The following SLC9A7 variants were observed in gnomAD, a reference collection of about 807,000 sequenced individuals.
SLC9A7 encodes sodium/hydrogen exchanger 7.
In SLC9A7, 19 loss-of-function variants were observed where a neutral mutation model predicts 52.6. The observed-to-expected ratio is 0.36, with a 90% CI of 0.25 to 0.53. The LOEUF (loss-of-function observed/expected upper bound fraction) is 0.53, where lower values mean the gene tolerates loss of function less well. Among genes scored for constraint, SLC9A7 ranks in the 20% least tolerant of loss-of-function variants. The pLI is 0.91. For missense variants in SLC9A7, 455 were observed against 597.9 expected (o/e 0.76, Z 2.49); for synonymous variants, 226 against 252.1 (o/e 0.90, Z 0.98).
At chrX:46,669,821 A>G (rs1943989692) in intron 4 of SLC9A7, 102 bp from the exon 5 acceptor site, 2 of 382,305 alleles carry the variant, frequency 5.2e-6, no homozygotes, top group Non-Finnish European at 4.5e-6. Context: ...AGATTTATGA[A>G]AACAACAGGC....
intron 1 of SLC9A7, among the ~76,000 whole-genome samples, chrX:46,702,035 G>T (rs1311858307): frequency 9.0e-6 from 1 of 111,157 alleles, no homozygotes. Flanking sequence ...ACAGATATAT[G>T]TTGTTTAACT....
intron 1 of SLC9A7, among the ~76,000 whole-genome samples, chrX:46,705,586 A>C (rs1271845801): frequency 1.8e-5 from 2 of 111,732 alleles, no homozygotes; most frequent in Non-Finnish European, 3.8e-5. Context: ...CATCTATACA[A>C]AAAATTTAAA....
Position 46,651,175 on chromosome X carries a change from T to C in SLC9A7, c.1285A>G (p.Met429Val). Reference sequence around the variant, plus strand: ...TGGAAGGTAAACAGTGCCAGGCCCATGTAGGAGAAGATGAAGTTCTCTGCC... The same window carrying C: ...TGGAAGGTAAACAGTGCCAGGCCCACGTAGGAGAAGATGAAGTTCTCTGCC... ...FLAENFIFSY[M>V]GLALFTFQKH... The change falls in exon 10 of 17, where the codon ATG becomes GTG. Residue 429 changes from methionine to valine, a missense_variant. Physicochemically the swap from Met to Val is conservative, Grantham distance 21 (BLOSUM62 1). Coordinates refer to ENST00000616978, the MANE Select transcript of SLC9A7 (RefSeq NM_001257291.2). The C allele has an allele frequency of 4.1e-6, 5 of 1,209,787 alleles. No individual in the cohort carries two copies. The highest frequency in any genetic ancestry group is 5.6e-6 in the Non-Finnish European group (5 of 894,396).
chrX:46,740,842 A>G (rs780552702), intron 1 of SLC9A7, among the ~76,000 whole-genome samples: 23 of 110,023 alleles, frequency 2.1e-4, no homozygotes, highest in Non-Finnish European at 3.4e-4. Flanking sequence ...TCCAGATTGC[A>G]AAGAAGGAAA....
rs1167442885 is a variant in SLC9A7, at chrX:46,606,966, C to G, written c.2167G>C (p.Glu723Gln). 1.7e-6 allele frequency: 2 copies of G among 1,209,492 alleles called. No individual in the cohort carries two copies. The highest frequency in any genetic ancestry group is 3.5e-5 in the African/African-American group (2 of 56,968). ...SRGTRLVFPL[E>Q]DNA is the part of the protein sequence containing the mutation. ...TGGGGGGAAAGTCAAGCATTATCTT[C>G]CAGGGGAAACACTAGGCGGGTGCCC... Residue 723 changes from glutamate (E) to glutamine (Q), a missense_variant, in exon 17 of 17, where the codon GAA (glutamate) becomes CAA (glutamine). Transcript: ENST00000616978.
intron 15 of SLC9A7, among the ~76,000 whole-genome samples, chrX:46,616,644 T>C (rs1328371981): frequency 8.9e-6 from 1 of 111,957 alleles, no homozygotes; most frequent in Non-Finnish European, 1.9e-5. Context: ...TTACAGGGTC[T>C]GCATGGTGCT....
intron 1 of SLC9A7, chrX:46,725,306 AC>A: frequency 8.7e-7 from 1 of 1,145,621 alleles, no homozygotes; most frequent in Non-Finnish European, 1.2e-6. Context: ...GAAGCTCATC[AC>A]CCAGTGCATC....
chrX:46,686,695 C>G (rs1487169012), intron 1 of SLC9A7, among the ~76,000 whole-genome samples: 1 of 111,482 alleles, frequency 9.0e-6, no homozygotes, highest in Non-Finnish European at 1.9e-5. Flanking sequence ...ACCAGATTAA[C>G]AGCCTAGTGT....
At chrX:46,712,152 A>G (rs1383051767) in intron 1 of SLC9A7, among the ~76,000 whole-genome samples, 6 of 111,720 alleles carry the variant, frequency 5.4e-5, no homozygotes, top group Non-Finnish European at 1.1e-4. Context: ...TTTTAACTCC[A>G]TATTATGTTT....
intron 2 of SLC9A7, among the ~76,000 whole-genome samples, chrX:46,680,617 T>C: frequency 8.9e-6 from 1 of 111,774 alleles, no homozygotes; most frequent in Non-Finnish European, 1.9e-5. Flanking sequence ...TCTTGTAGGT[T>C]TGATACAGGG....
At chrX:46,666,456 G>A (rs1943923244) in intron 5 of SLC9A7, among the ~76,000 whole-genome samples, 2 of 112,120 alleles carry the variant, frequency 1.8e-5, no homozygotes, top group South Asian at 7.4e-4. Flanking sequence ...TAGGAGGCTG[G>A]TAAAACACTT....
In SLC9A7 at chrX:46,605,731, G is replaced by C. The variant is rs1189487456; in HGVS notation, c.*1221C>G. The C allele has an allele frequency of 1.8e-5, 2 of 111,628 alleles. No homozygotes were observed. Among genetic ancestry groups the C allele is most frequent in the African/African-American group, 6.5e-5 (2 of 30,649 alleles). 9.2% of individuals were successfully genotyped at this position (111,628 alleles called of 1,213,427 possible). On this transcript the variant is annotated 3_prime_UTR_variant, in exon 17 of 17. Transcript: ENST00000616978. ...CTGAATTCTAGCCTGGTGCCTTGTA[G>C]GTTTCTTGCTGCCTTCCCTTTCCCA...
chrX:46,661,886 G>T, intron 7 of SLC9A7, 130 bp downstream of exon 7: 1 of 552,290 alleles, frequency 1.8e-6, no homozygotes, highest in South Asian at 4.1e-5. Context: ...CATATTTCAG[G>T]AGCCATCATG....
chrX:46,623,670 T>A (rs1457847866), intron 14 of SLC9A7, among the ~76,000 whole-genome samples: 1 of 111,894 alleles, frequency 8.9e-6, no homozygotes, highest in Non-Finnish European at 1.9e-5. Context: ...AGTATCCTCA[T>A]CTGTAAACTG....
chrX:46,660,396 T>C (rs1254094376), intron 7 of SLC9A7, among the ~76,000 whole-genome samples: 3 of 110,744 alleles, frequency 2.7e-5, no homozygotes, highest in Non-Finnish European at 5.7e-5. Context: ...AAAGAGCTTC[T>C]GCACAGCAAA....
rs782156252 is a variant in SLC9A7 at position 46,758,896 on chromosome X, C to T, written c.134G>A (p.Gly45Glu). ...VAAAASASSS[G>E]AAAEDSSAME... ...GGCGCTGCTGTCCTCCGCCGCCGCCCCAGAGGAGGAGGCCGAGGCCGCGGC... is the reference window on the plus strand; with the variant it reads ...GGCGCTGCTGTCCTCCGCCGCCGCCTCAGAGGAGGAGGCCGAGGCCGCGGC... Residue 45 changes from glycine to glutamate, a missense_variant, in exon 1 of 17, where the codon GGG (glycine) becomes GAG (glutamate). Gly to Glu is a moderately conservative substitution (Grantham distance 98). Coordinates refer to ENST00000616978, the MANE Select transcript of SLC9A7 (RefSeq NM_001257291.2). 4.2e-6 allele frequency: 5 copies of T among 1,178,439 alleles called. 1 individual carries two copies. In the South Asian group the frequency reaches 9.5e-5, roughly 22 times the overall value.
chrX:46,723,192 T>A (rs1602272066), intron 1 of SLC9A7, among the ~76,000 whole-genome samples: 1 of 106,400 alleles, frequency 9.4e-6, no homozygotes, highest in Non-Finnish European at 1.9e-5. Flanking sequence ...ATATAATGAT[T>A]CATGTAATAT....
chrX:46,754,374 C>T (rs1556290504), intron 1 of SLC9A7, among the ~76,000 whole-genome samples: 1 of 111,690 alleles, frequency 9.0e-6, no homozygotes, highest in African/African-American at 3.3e-5. Flanking sequence ...GCAACAGGGC[C>T]AGCATTTGAA....
At chrX:46,691,993 T>C (rs997405637) in intron 1 of SLC9A7, among the ~76,000 whole-genome samples, 6 of 111,645 alleles carry the variant, frequency 5.4e-5, no homozygotes, top group African/African-American at 2.0e-4. Context: ...ATAATGATAG[T>C]AATAAAACAG....
Sources: gnomAD v4.1 joint callset for allele counts (sites outside exome capture counted in the v4.1 genomes callset) on GRCh38, gnomAD v4.1.1 for gene constraint, MANE v1.5 for transcripts, NCBI Gene and HGNC (gene_info 2026-07-23, HGNC 2026-07-21) for gene names.